Variants in THSD4 observed in about 807,000 individuals in gnomAD.
The protein encoded by THSD4 is thrombospondin type 1 domain containing 4, also known as thrombospondin type-1 domain-containing protein 4.
Under a neutral mutation model 119.0 loss-of-function variants are expected in THSD4, and 69 were observed. That is an observed-to-expected ratio of 0.58 (90% confidence interval 0.48 to 0.71). The LOEUF (loss-of-function observed/expected upper bound fraction) is 0.71. Ranked by LOEUF, THSD4 falls within the 30% of genes least tolerant of loss-of-function variation. The pLI is 0.00. For synonymous variants in THSD4, 524 were observed against 540.4 expected (o/e 0.97, Z 0.42); for missense variants, 1,393 against 1,391.1 (o/e 1.00, Z -0.02).
intron 6 of THSD4, among the ~76,000 whole-genome samples, chr15:71,278,039 C>T (rs752089132): frequency 8.5e-5 from 13 of 152,190 alleles, no homozygotes; most frequent in African/African-American, 2.9e-4. Flanking sequence ...TACTGCCTCC[C>T]GCCAGCACTC....
intron 16 of THSD4, among the ~76,000 whole-genome samples, chr15:71,765,566 A>G (rs1429962390): frequency 6.6e-6 from 1 of 152,162 alleles, no homozygotes; most frequent in African/African-American, 2.4e-5. Flanking sequence ...ATTTTGAGCA[A>G]TGCTGCCATA....
chr15:71,645,936 C>A (rs150323799), intron 7 of THSD4, among the ~76,000 whole-genome samples: 456 of 152,356 alleles, frequency 3.0e-3, no homozygotes, highest in Non-Finnish European at 5.1e-3. Context: ...CCTCATCCCT[C>A]CACCTGTCCA....
At chr15:71,467,631 A>G (rs1477195179) in intron 7 of THSD4, among the ~76,000 whole-genome samples, 2 of 152,070 alleles carry the variant, frequency 1.3e-5, no homozygotes, top group African/African-American at 4.8e-5. Flanking sequence ...GGGTCAGAAA[A>G]TCCTTCCTGG....
intron 8 of THSD4, among the ~76,000 whole-genome samples, chr15:71,694,103 T>A (rs758617344): frequency 2.0e-5 from 3 of 152,110 alleles, no homozygotes; most frequent in Non-Finnish European, 4.4e-5. Flanking sequence ...TCCTCTCAGA[T>A]GAAGGTGGAC....
chr15:71,731,457 C>A, intron 10 of THSD4: 1 of 512,406 alleles, frequency 2.0e-6, no homozygotes. Context: ...TGGGTCTGCC[C>A]TGCCAGTTCA....
chr15:71,397,472 A>G (rs917874976), intron 6 of THSD4, among the ~76,000 whole-genome samples: 3 of 152,228 alleles, frequency 2.0e-5, no homozygotes, highest in Non-Finnish European at 4.4e-5. Context: ...TGATTGTCCC[A>G]TAAGGGCAGG....
intron 7 of THSD4, among the ~76,000 whole-genome samples, chr15:71,530,357 C>T (rs573583111): frequency 7.2e-5 from 11 of 152,236 alleles, no homozygotes; most frequent in African/African-American, 2.6e-4. Context: ...CTTGCCAGCT[C>T]AGCTCCTGTG....
intron 7 of THSD4, among the ~76,000 whole-genome samples, chr15:71,609,153 G>A (rs1269587110): frequency 1.3e-5 from 2 of 152,160 alleles, no homozygotes; most frequent in African/African-American, 4.8e-5. Context: ...GAGCATGTAT[G>A]AACTGAAGAC....
At chr15:71,732,610 A>G (rs1182215312) in intron 10 of THSD4, 1 of 152,214 alleles carries the variant, frequency 6.6e-6, no homozygotes, top group Non-Finnish European at 1.5e-5. Flanking sequence ...TGCGTAGATT[A>G]GTTCTTTGAA....
chr15:71,503,406 C>T (rs1339158829), intron 7 of THSD4, among the ~76,000 whole-genome samples: 1 of 152,118 alleles, frequency 6.6e-6, no homozygotes, highest in African/African-American at 2.4e-5. Flanking sequence ...TCCATCCTGG[C>T]TCAAGTCCAC....
intron 8 of THSD4, among the ~76,000 whole-genome samples, chr15:71,683,768 A>G (rs2051847403): frequency 6.6e-6 from 1 of 152,170 alleles, no homozygotes; most frequent in Non-Finnish European, 1.5e-5. Context: ...TGAGGTCAGG[A>G]GTTTGAGAAC....
intron 16 of THSD4, among the ~76,000 whole-genome samples, chr15:71,768,127 C>A (rs1177741494): frequency 6.6e-6 from 1 of 151,950 alleles, no homozygotes; most frequent in Non-Finnish European, 1.5e-5. Flanking sequence ...ACTGGGTAAC[C>A]AAAGAGTAAA....
chr15:71,679,872 C>T (rs1365316985), intron 8 of THSD4, among the ~76,000 whole-genome samples: 1 of 152,162 alleles, frequency 6.6e-6, no homozygotes, highest in East Asian at 1.9e-4. Context: ...GGGGAAGTGA[C>T]TAATAACAAG....
intron 6 of THSD4, 45 bp from the exon 7 acceptor site, chr15:71,411,642 T>G (rs370980948): frequency 2.6e-6 from 4 of 1,563,186 alleles, no homozygotes; most frequent in African/African-American, 1.4e-5. Context: ...ATGATATTGC[T>G]TATACCTTAT....
chr15:71,495,342 A>G (rs2047997382), intron 7 of THSD4, among the ~76,000 whole-genome samples: 1 of 152,200 alleles, frequency 6.6e-6, no homozygotes, highest in African/African-American at 2.4e-5. Flanking sequence ...AAAGCCCGCA[A>G]GTAGACAGTG....
intron 8 of THSD4, among the ~76,000 whole-genome samples, chr15:71,726,619 G>C (rs1314091805): frequency 6.6e-6 from 1 of 152,128 alleles, no homozygotes; most frequent in Non-Finnish European, 1.5e-5. Context: ...GGCCATCACA[G>C]GTCCACTATG....
intron 2 of THSD4, among the ~76,000 whole-genome samples, chr15:71,152,346 C>T (rs1337841953): frequency 2.0e-5 from 3 of 151,076 alleles, no homozygotes; most frequent in Admixed American, 1.3e-4. Context: ...CACTTGAGCC[C>T]GGGAGGCAGA....
intron 8 of THSD4, among the ~76,000 whole-genome samples, chr15:71,679,690 A>G (rs1208089275): frequency 6.6e-6 from 1 of 152,258 alleles, no homozygotes; most frequent in Non-Finnish European, 1.5e-5. Context: ...GGGTATAGCT[A>G]GGCCTGTTTC....
At chr15:71,441,356 G>A (rs1475050958) in intron 7 of THSD4, among the ~76,000 whole-genome samples, 1 of 34,346 alleles carries the variant, frequency 2.9e-5, no homozygotes, top group African/African-American at 8.9e-5. Context: ...AGAGAGGGAT[G>A]GAAGAAAGCC....
Sources: gnomAD v4.1 joint callset for allele counts (sites outside exome capture counted in the v4.1 genomes callset) on GRCh38, gnomAD v4.1.1 for gene constraint, MANE v1.5 for transcripts, NCBI Gene and HGNC (gene_info 2026-07-23, HGNC 2026-07-21) for gene names.